The following FGF12 variants were observed in gnomAD, a reference collection of about 807,000 sequenced individuals.
FGF12 encodes the protein fibroblast growth factor 12, also known as fibroblast growth factor 12B.
Under a neutral mutation model 23.6 loss-of-function variants are expected in FGF12, and 14 were observed. The observed-to-expected ratio is 0.59, with a 90% CI of 0.39 to 0.93. The LOEUF is 0.93. Among genes scored for constraint, FGF12 ranks in the 40% least tolerant of loss-of-function variants. The pLI is 0.00. For synonymous variants in FGF12, 62 were observed against 77.3 expected, an observed-to-expected ratio of 0.80 and a Z score of 1.04; for missense variants, 175 against 217.8, an observed-to-expected ratio of 0.80 and a Z score of 1.24.
intron 2 of FGF12, among the ~76,000 whole-genome samples, chr3:192,587,023 C>A (rs1293877438): frequency 6.6e-6 from 1 of 152,062 alleles, no homozygotes; most frequent in Non-Finnish European, 1.5e-5. Flanking sequence ...GAATCACTGA[C>A]CCCGGGGGGT....
At chr3:192,509,858 G>T (rs1222291159) in intron 2 of FGF12, among the ~76,000 whole-genome samples, 1 of 152,078 alleles carries the variant, frequency 6.6e-6, no homozygotes, top group Non-Finnish European at 1.5e-5. Context: ...CTTCAACATA[G>T]CTCAGTAACT....
At chr3:192,616,507 A>G (rs1407275269) in intron 2 of FGF12, among the ~76,000 whole-genome samples, 1 of 152,064 alleles carries the variant, frequency 6.6e-6, no homozygotes, top group Non-Finnish European at 1.5e-5. Flanking sequence ...GGACACACAG[A>G]GCCTTTGAGG....
At chr3:192,264,701 CTT>C in intron 4 of FGF12, among the ~76,000 whole-genome samples, 1 of 152,162 alleles carries the variant, frequency 6.6e-6, no homozygotes, top group South Asian at 2.1e-4. Context: ...TGATTTGACT[CTT>C]AGAGTCTTTG....
intron 2 of FGF12, among the ~76,000 whole-genome samples, chr3:192,475,776 G>A (rs1023571776): frequency 1.3e-5 from 2 of 152,110 alleles, no homozygotes; most frequent in Admixed American, 6.5e-5. Flanking sequence ...CACAGGGACC[G>A]AACACAACTT....
At chr3:192,324,406 C>G (rs776784561) in intron 4 of FGF12, among the ~76,000 whole-genome samples, 1 of 152,082 alleles carries the variant, frequency 6.6e-6, no homozygotes, top group Non-Finnish European at 1.5e-5. Context: ...GAGGGTACAC[C>G]AAGCATCTTT....
At position 192,302,125 on chromosome 3, in the gene FGF12, A is replaced by C. The variant is rs144170798; in HGVS notation, c.228+33236T>G. Among the ~76,000 whole-genome samples the C allele has an allele frequency of 6.6e-3, 1,000 of 152,274 alleles. 9 individuals are homozygous for C. Among genetic ancestry groups the C allele is most frequent in the Non-Finnish European group, 0.01 (711 of 68,008 alleles). ...AGAACAATCAAGTGACAGGGAGAAA[A>C]AAATCTAACAGAACGCCTGCTAGGT... is the stretch of plus-strand genomic sequence containing the variant. On this transcript the variant is annotated intron_variant, in intron 4 of 5. Coordinates refer to ENST00000445105, the MANE Select transcript of FGF12 (RefSeq NM_004113.6).
chr3:192,145,820 CTT>C (rs1713666915), intron 5 of FGF12, among the ~76,000 whole-genome samples: 1 of 152,130 alleles, frequency 6.6e-6, no homozygotes, highest in Admixed American at 6.5e-5. Flanking sequence ...TCAAGTTTGT[CTT>C]TCTTCTTCTT....
At chr3:192,578,013 G>A (rs559358092) in intron 2 of FGF12, among the ~76,000 whole-genome samples, 1 of 152,272 alleles carries the variant, frequency 6.6e-6, no homozygotes, top group South Asian at 2.1e-4. Context: ...AGTGAAAGGG[G>A]TTATGGTTGG....
chr3:192,579,513 A>G (rs1713045764), intron 2 of FGF12, among the ~76,000 whole-genome samples: 1 of 152,214 alleles, frequency 6.6e-6, no homozygotes. Context: ...TAAGCTCAGG[A>G]CACACAAGCA....
chr3:192,354,214 A>C (rs1351390261), intron 3 of FGF12, among the ~76,000 whole-genome samples: 1 of 152,242 alleles, frequency 6.6e-6, no homozygotes, highest in African/African-American at 2.4e-5. Context: ...AAATCTAATG[A>C]AAGTGTATTT....
chr3:192,448,090 T>TATACAC (rs1722412530), intron 2 of FGF12, among the ~76,000 whole-genome samples: 1 of 152,198 alleles, frequency 6.6e-6, no homozygotes, highest in African/African-American at 2.4e-5. Flanking sequence ...TATATGTGTG[T>TATACAC]ATACACATAC....
chr3:192,556,373 T>C (rs1433742260), intron 2 of FGF12, among the ~76,000 whole-genome samples: 1 of 152,160 alleles, frequency 6.6e-6, no homozygotes. Flanking sequence ...GGTAACCATA[T>C]TTATTTAAGG....
intron 2 of FGF12, among the ~76,000 whole-genome samples, chr3:192,403,069 GA>G (rs148975252): frequency 0.039 from 5,902 of 152,116 alleles, 378 homozygotes; most frequent in African/African-American, 0.13. Context: ...GAAGAGACAA[GA>G]AAAAATTGAT....
chr3:192,511,431 A>G (rs989837966), intron 2 of FGF12, among the ~76,000 whole-genome samples: 4 of 151,720 alleles, frequency 2.6e-5, no homozygotes, highest in African/African-American at 9.7e-5. Flanking sequence ...TTTTAACACC[A>G]CTCTGATGGA....
chr3:192,710,407 A>G (rs1326264121), intron 2 of FGF12, among the ~76,000 whole-genome samples: 4 of 152,228 alleles, frequency 2.6e-5, no homozygotes, highest in Non-Finnish European at 4.4e-5. Context: ...TATGTTTTGC[A>G]TAATTCTTTA....
chr3:192,587,666 T>A lies in FGF12; in HGVS notation c.13+139515A>T, dbSNP rs181101830. Reference sequence around the variant, plus strand: ...CCCTATCACTGTATTTTTAATTTTTTAAAAATTTGCCAGATGTGGTGGCAC... The same window carrying A: ...CCCTATCACTGTATTTTTAATTTTTAAAAAATTTGCCAGATGTGGTGGCAC... On this transcript the variant is annotated intron_variant, in intron 2 of 5. Coordinates refer to ENST00000445105, the MANE Select transcript of FGF12 (RefSeq NM_004113.6). Among the ~76,000 whole-genome samples, 6 of 151,664 alleles carry A rather than the reference T, an allele frequency of 4.0e-5. No homozygotes were observed. In the South Asian group the frequency reaches 6.4e-4, roughly 16 times the overall value.
chr3:192,407,949 G>T (rs1267083781), intron 2 of FGF12: 5 of 1,449,820 alleles, frequency 3.4e-6, no homozygotes, highest in Middle Eastern at 2.0e-4. Context: ...CCCTTCCACG[G>T]GGGTCCCGAG....
At chr3:192,566,497 G>A (rs1018708216) in intron 2 of FGF12, among the ~76,000 whole-genome samples, 3 of 152,186 alleles carry the variant, frequency 2.0e-5, no homozygotes, top group African/African-American at 7.2e-5. Flanking sequence ...AAGACTTGGA[G>A]ACTACCTGTG....
At chr3:192,252,159 G>C (rs1712057021) in intron 4 of FGF12, among the ~76,000 whole-genome samples, 1 of 151,822 alleles carries the variant, frequency 6.6e-6, no homozygotes. Flanking sequence ...GAAATATTCA[G>C]GCTCTTAAGA....
Sources: allele counts gnomAD v4.1 joint callset (sites outside exome capture counted in the v4.1 genomes callset), GRCh38; gene constraint gnomAD v4.1.1; transcripts MANE v1.5; gene names NCBI Gene and HGNC (gene_info 2026-07-23, HGNC 2026-07-21).